CUX1: variants seen among roughly 807,000 people sequenced by gnomAD.
The protein encoded by CUX1 is protein CASP.
CUX1 carries 31 observed loss-of-function variants against 158.8 expected under a neutral mutation model. The observed-to-expected ratio is 0.20, with a 90% CI of 0.15 to 0.26. CUX1 has a LOEUF of 0.26. CUX1 is among the 10% of genes least tolerant of loss of function. The pLI, the probability that CUX1 is intolerant of heterozygous loss-of-function variation, is 1.00. For synonymous variants in CUX1, 879 were observed against 862.1 expected (o/e 1.02, Z -0.34); for missense variants, 1,589 against 2,014.6 (o/e 0.79, Z 4.04).
Position 102,248,927 on chromosome 7 carries a change from C to A in CUX1, c.4403C>A (p.Ala1468Asp). ...TTCGGCCTCCCCGAGGCCGCGGGCG[C>A]CCGGGACTCGCGCGACAACCCCCTG... ...SLFGLPEAAG[A>D]RDSRDNPLRK... The change falls in exon 24 of 24, where the codon GCC becomes GAC. Residue 1468 changes from alanine (A) to aspartate (D), a missense_variant. Physicochemically the swap from Ala to Asp is moderately radical, Grantham distance 126. Transcript: ENST00000292535. This position sits in a 1 kb window ranked among gnomAD's most constrained non-coding sequence, Gnocchi z 5.8. The A allele has an allele frequency of 6.8e-7, 1 of 1,471,154 alleles. No homozygotes were observed. Among genetic ancestry groups the A allele is most frequent in the South Asian group, 1.3e-5 (1 of 79,352 alleles). The allele number at this position is 1,471,154 out of a possible 1,614,324, so 91.1% of individuals were successfully genotyped here. A position where few individuals can be genotyped will look rare whatever the true frequency, so the allele number is the denominator to read the frequency against.
chr7:102,274,872 C>G (rs1791498413), intron 16 of CUX1, among the ~76,000 whole-genome samples: 1 of 152,210 alleles, frequency 6.6e-6, no homozygotes, highest in Admixed American at 6.5e-5. Context: ...CTCCCCAGTT[C>G]CCCTCCTGCC....
At chr7:102,111,162 T>TA (rs1830842197) in intron 6 of CUX1, among the ~76,000 whole-genome samples, 1 of 152,110 alleles carries the variant, frequency 6.6e-6, no homozygotes, top group Admixed American at 6.5e-5. Context: ...GGAATTCACT[T>TA]AGAGATCCTG....
chr7:102,277,081 C>A (rs1056247462), intron 17 of CUX1, among the ~76,000 whole-genome samples: 1 of 152,086 alleles, frequency 6.6e-6, no homozygotes, highest in Non-Finnish European at 1.5e-5. Context: ...GGGAAGATTG[C>A]TTGAGCCCAG....
intron 1 of CUX1, among the ~76,000 whole-genome samples, chr7:101,892,049 C>G (rs1370671980): frequency 6.6e-6 from 1 of 152,218 alleles, no homozygotes; most frequent in Non-Finnish European, 1.5e-5. Flanking sequence ...CAGAAATCCA[C>G]TCCCTAAAAG....
At chr7:102,002,306 A>G (rs1022638695) in intron 2 of CUX1, among the ~76,000 whole-genome samples, 11 of 152,330 alleles carry the variant, frequency 7.2e-5, no homozygotes, top group African/African-American at 2.6e-4. Context: ...TCTCAGAAAG[A>G]AAAAATAAAT....
chr7:101,870,495 A>G (rs189233864), intron 1 of CUX1, among the ~76,000 whole-genome samples: 3 of 152,190 alleles, frequency 2.0e-5, no homozygotes, highest in South Asian at 2.1e-4. Flanking sequence ...GGGTGGTGCT[A>G]TTTATCTCCA....
intron 3 of CUX1, among the ~76,000 whole-genome samples, chr7:102,069,621 C>T (rs747558087): frequency 1.3e-5 from 2 of 152,154 alleles, no homozygotes; most frequent in Non-Finnish European, 2.9e-5. Flanking sequence ...TGGTGGTAGG[C>T]ACCTGTAATT....
chr7:102,044,914 A>C (rs927486548), intron 3 of CUX1, among the ~76,000 whole-genome samples: 18 of 152,288 alleles, frequency 1.2e-4, no homozygotes, highest in African/African-American at 4.3e-4. Context: ...ACCCTAACAC[A>C]GCCTGCTGCC....
intron 11 of CUX1, 139 bp from the exon 12 acceptor site, chr7:102,189,674 C>A: frequency 1.2e-6 from 1 of 858,782 alleles, no homozygotes; most frequent in Non-Finnish European, 1.9e-6. Context: ...AAAAGATGGC[C>A]CCAGCACCGT....
chr7:102,115,416 A>G (rs2131123777), intron 8 of CUX1, 143 bp downstream of exon 8: 2 of 658,310 alleles, frequency 3.0e-6, no homozygotes, highest in South Asian at 4.3e-5. Context: ...GCGTCGGTTC[A>G]ATGCACGTTC....
At chr7:102,041,963 G>C (rs1405009656) in intron 3 of CUX1, among the ~76,000 whole-genome samples, 1 of 152,100 alleles carries the variant, frequency 6.6e-6, no homozygotes, top group Non-Finnish European at 1.5e-5. Flanking sequence ...TGAGCCTAAA[G>C]ACATTCTGCC....
chr7:101,847,153 G>GAA (rs1392544008), intron 1 of CUX1, among the ~76,000 whole-genome samples: 2 of 152,000 alleles, frequency 1.3e-5, no homozygotes, highest in African/African-American at 4.8e-5. Context: ...CTAAAGAAAT[G>GAA]ACAAAATAAA....
At chr7:102,149,474 C>T (rs1439235314) in intron 8 of CUX1, among the ~76,000 whole-genome samples, 3 of 129,712 alleles carry the variant, frequency 2.3e-5, no homozygotes, top group African/African-American at 8.6e-5. Flanking sequence ...TGTGTGCTAG[C>T]GAGAAGGGAG....
intron 8 of CUX1, among the ~76,000 whole-genome samples, chr7:102,145,021 A>G (rs1834872398): frequency 2.1e-5 from 3 of 145,534 alleles, no homozygotes; most frequent in South Asian, 4.4e-4. Context: ...GGAGAGGCGG[A>G]GGTTGCAGTG....
At chr7:102,183,226 C>T (rs1159205410) in intron 11 of CUX1, among the ~76,000 whole-genome samples, 1 of 152,064 alleles carries the variant, frequency 6.6e-6, no homozygotes, top group Non-Finnish European at 1.5e-5. Context: ...GTTGGCCAGG[C>T]TGGTCACGAG....
chr7:102,227,834 G>T lies in CUX1; in HGVS notation c.3433+165G>T, dbSNP rs78367796. 2.1e-4 allele frequency among the ~76,000 whole-genome samples: 32 copies of T among 152,220 alleles called. 1 individual carries two copies. The highest frequency in any genetic ancestry group is 7.7e-4 in the African/African-American group (32 of 41,548). On this transcript the variant is annotated intron_variant, in intron 21 of 23. Coordinates refer to ENST00000292535, the MANE Select transcript of CUX1 (RefSeq NM_181552.4). ...AGTTGTGAACAGTAAGGAGCGTGCC[G>T]TCTGCAGGTCAGTCCCCACCTCCTC...
At chr7:102,087,425 A>C (rs1828060032) in intron 4 of CUX1, among the ~76,000 whole-genome samples, 1 of 152,142 alleles carries the variant, frequency 6.6e-6, no homozygotes, top group Admixed American at 6.6e-5. Flanking sequence ...TACTAAAAAT[A>C]CAAAATTAGC....
chr7:102,023,853 A>AGT (rs1189966799), intron 2 of CUX1, among the ~76,000 whole-genome samples: 1 of 152,112 alleles, frequency 6.6e-6, no homozygotes, highest in Non-Finnish European at 1.5e-5. Flanking sequence ...TGCGTGCGTG[A>AGT]GTGTGTGTAC....
rs375820759 is a variant in CUX1, at chr7:102,011,146, GT to G, written c.142-16950del. 3.8e-3 allele frequency among the ~76,000 whole-genome samples: 577 copies of G among 152,076 alleles called. 2 individuals are homozygous for G. Among genetic ancestry groups the G allele is most frequent in the African/African-American group, 0.013 (541 of 41,472 alleles). On this transcript the variant is annotated intron_variant, in intron 2 of 23. Coordinates refer to ENST00000292535, the MANE Select transcript of CUX1 (RefSeq NM_181552.4). The stretch of plus-strand genomic sequence containing the variant: ...TAAAAAAAAAAAGTAAAATTATATT[GT>G]TATTGACGGTCTCTTTGTTCGAGTA...
Sources: allele counts gnomAD v4.1 joint callset (sites outside exome capture counted in the v4.1 genomes callset), GRCh38; gene constraint gnomAD v4.1.1; non-coding constraint Gnocchi (gnomAD v3.1); transcripts MANE v1.5; gene names NCBI Gene and HGNC (gene_info 2026-07-23, HGNC 2026-07-21).